Variants in MGA observed in about 807,000 individuals in gnomAD.
The protein encoded by MGA is MAX gene-associated protein.
A neutral mutation model predicts 261.1 loss-of-function variants in MGA; 40 were observed. That is an observed-to-expected ratio of 0.15 (90% CI 0.12 to 0.20). MGA has a LOEUF of 0.20. Ranked by LOEUF, MGA falls within the 10% of genes least tolerant of loss-of-function variation. The probability of loss-of-function intolerance (pLI) is 1.00; values close to 1 mark genes in which losing one functional copy is unlikely to be tolerated. For missense variants in MGA, 3,397 were observed against 3,630.5 expected (o/e 0.94, Z 1.65); for synonymous variants, 1,302 against 1,290.6 (o/e 1.01, Z -0.19).
rs768918518 is a variant in MGA, at chr15:41,749,431, G to A, written c.5824G>A (p.Gly1942Ser). ...AGCCAGTCTTATTCCTCTCCAGTCT[G>A]GTAGTTTTGCCTTGTTACAGCTCCC... The change falls in exon 17 of 24, where the codon GGT becomes AGT. Residue 1942 changes from glycine to serine, a missense_variant. Gly to Ser is a moderately conservative substitution (Grantham distance 56, BLOSUM62 0). Transcript: ENST00000219905. 1 of 1,613,984 alleles carries A rather than the reference G, an allele frequency of 6.2e-7. No homozygotes were observed. Among genetic ancestry groups the A allele is most frequent in the Non-Finnish European group, 8.5e-7 (1 of 1,179,890 alleles).
At position 41,761,860 on chromosome 15, in the gene MGA, G is replaced by C. The variant is rs1244948032; in HGVS notation, c.7510+10G>C. On this transcript the variant is annotated intron_variant, in intron 21 of 23. Coordinates refer to ENST00000219905, the MANE Select transcript of MGA (RefSeq NM_001164273.2). ...GTATCGTCTCTTTCAGGTGAGATAA[G>C]TAAATAATCTCTGGTAAAGAGCATA... is the stretch of plus-strand genomic sequence containing the variant. The C allele has an allele frequency of 6.7e-7, 1 of 1,499,390 alleles. No homozygotes were observed. Among genetic ancestry groups the C allele is most frequent in the Non-Finnish European group, 9.1e-7 (1 of 1,096,456 alleles). The allele number at this position is 1,499,390 out of a possible 1,614,324, so 92.9% of individuals were successfully genotyped here.
chr15:41,675,934 T>G (rs1346378641), intron 2 of MGA, among the ~76,000 whole-genome samples: 1 of 152,224 alleles, frequency 6.6e-6, no homozygotes, highest in Non-Finnish European at 1.5e-5. Context: ...TTTCAGGTAC[T>G]TTTCTAAGTA....
At chr15:41,740,294 A>C in intron 14 of MGA, 91 bp downstream of exon 14, 1 of 1,318,176 alleles carries the variant, frequency 7.6e-7, no homozygotes. Flanking sequence ...AATTAGAGAA[A>C]TATGTACTTT....
intron 1 of MGA, among the ~76,000 whole-genome samples, chr15:41,628,265 C>T (rs757105799): frequency 2.2e-4 from 33 of 147,074 alleles, no homozygotes; most frequent in African/African-American, 3.0e-4. Context: ...CCTAGCTGTT[C>T]GGGAGCCTGA....
chr15:41,749,088 TTCTC>T lies in MGA; in HGVS notation c.5504-19_5504-16del, dbSNP rs759348542. On this transcript the variant is annotated intron_variant, in intron 16 of 23. Coordinates refer to ENST00000219905, the MANE Select transcript of MGA (RefSeq NM_001164273.2). ...ATATGGGCAGTCATGATTTAAAAATTTCTCTCTTATTTTTTAAACCAGGGTCTGT... is the reference window on the plus strand; with the variant it reads ...ATATGGGCAGTCATGATTTAAAAATTTCTTATTTTTTAAACCAGGGTCTGT... The T allele has an allele frequency of 1.3e-6, 2 of 1,586,806 alleles. No homozygotes were observed. Among genetic ancestry groups the T allele is most frequent in the Admixed American group, 3.6e-5 (2 of 54,808 alleles).
Position 41,748,944 on chromosome 15 carries a change from T to C in MGA, c.5503+17T>C. On this transcript the variant is annotated intron_variant, in intron 16 of 23. Transcript: ENST00000219905. ...GGAACCCAGGTATAAAGTTCTTTTT[T>C]ATGAACTTTTCTTTTGTTGAATCAC... is the stretch of plus-strand genomic sequence containing the variant. 1 of 1,607,556 alleles carries C rather than the reference T, an allele frequency of 6.2e-7. No homozygotes were observed. The highest frequency in any genetic ancestry group is 8.5e-7 in the Non-Finnish European group (1 of 1,177,126).
chr15:41,739,836 C>A, intron 13 of MGA, 70 bp from the exon 14 acceptor site: 2 of 1,437,386 alleles, frequency 1.4e-6, no homozygotes, highest in Non-Finnish European at 1.9e-6. Flanking sequence ...AAAATGAAGC[C>A]CCTGTCAAGG....
chr15:41,746,779 GT>G (rs2062516652), intron 15 of MGA, among the ~76,000 whole-genome samples: 1 of 151,592 alleles, frequency 6.6e-6, no homozygotes, highest in African/African-American at 2.4e-5. Flanking sequence ...TAAAGTCTTT[GT>G]TTTGTTTCAT....
In MGA at chr15:41,762,120, A is replaced by C; in HGVS notation, c.7511-9A>C. On this transcript the variant is annotated splice_polypyrimidine_tract_variant and intron_variant, in intron 21 of 23. Transcript: ENST00000219905. ...GCTGAAAGTGCTAATGTATTCTGTT[A>C]ACTTACAGGTAAGACAGAAGAAGTG... is the stretch of plus-strand genomic sequence containing the variant. The C allele has an allele frequency of 6.3e-7, 1 of 1,597,406 alleles. No individual in the cohort carries two copies. The highest frequency in any genetic ancestry group is 8.6e-7 in the Non-Finnish European group (1 of 1,166,780).
chr15:41,660,969 C>T (rs1595594359), intron 1 of MGA, among the ~76,000 whole-genome samples: 1 of 152,246 alleles, frequency 6.6e-6, no homozygotes, highest in Admixed American at 6.5e-5. Context: ...TCTCGTGGTT[C>T]TAGAACTCCA....
At chr15:41,649,526 T>C (rs2056999257) in intron 1 of MGA, among the ~76,000 whole-genome samples, 1 of 152,206 alleles carries the variant, frequency 6.6e-6, no homozygotes, top group Non-Finnish European at 1.5e-5. Flanking sequence ...CAGCGTATCA[T>C]GGTCAGGAAG....
chr15:41,665,989 C>T (rs748663295), intron 1 of MGA, among the ~76,000 whole-genome samples: 1 of 151,528 alleles, frequency 6.6e-6, no homozygotes, highest in Non-Finnish European at 1.5e-5. Context: ...GGTTATGGCT[C>T]ACTGCAACCT....
At chr15:41,679,525 C>T (rs1415197177) in intron 2 of MGA, among the ~76,000 whole-genome samples, 1 of 152,058 alleles carries the variant, frequency 6.6e-6, no homozygotes, top group Non-Finnish European at 1.5e-5. Context: ...TTAGTTAAAT[C>T]TATTCCTAAG....
At chr15:41,744,193 T>A (rs527550548) in intron 15 of MGA, among the ~76,000 whole-genome samples, 75 of 152,120 alleles carry the variant, frequency 4.9e-4, no homozygotes, top group African/African-American at 1.8e-3. Flanking sequence ...TATATATGTG[T>A]GTGTGTGTAT....
Position 41,767,739 on chromosome 15 carries a change from C to CT in MGA, c.*464dup, listed in dbSNP as rs1172836685. On this transcript the variant is annotated 3_prime_UTR_variant, in exon 24 of 24. Coordinates refer to ENST00000219905, the MANE Select transcript of MGA (RefSeq NM_001164273.2). ...TGTGCAAAGGGATCCAGAAGAGACACTTTTTAGTTGATGTTTCAAGAATAG... is the reference window on the plus strand; with the variant it reads ...TGTGCAAAGGGATCCAGAAGAGACACTTTTTTAGTTGATGTTTCAAGAATAG... 6.3e-6 allele frequency: 1 copy of CT among 159,816 alleles called. No homozygotes were observed. Among genetic ancestry groups the CT allele is most frequent in the African/African-American group, 2.4e-5 (1 of 41,508 alleles). The allele number at this position is 159,816 out of a possible 1,614,324, so 9.9% of individuals were successfully genotyped here.
intron 18 of MGA, among the ~76,000 whole-genome samples, chr15:41,756,319 G>A (rs1045574608): frequency 6.6e-5 from 10 of 152,164 alleles, no homozygotes; most frequent in Non-Finnish European, 1.5e-4. Flanking sequence ...ATGTACATTT[G>A]TTCAGCCTCA....
chr15:41,666,820 A>G (rs1187222999), intron 1 of MGA, among the ~76,000 whole-genome samples: 1 of 152,216 alleles, frequency 6.6e-6, no homozygotes, highest in Non-Finnish European at 1.5e-5. Context: ...GCAGGGGATA[A>G]TCTTGTATAG....
intron 1 of MGA, among the ~76,000 whole-genome samples, chr15:41,651,956 C>T (rs141985337): frequency 0.018 from 860 of 48,216 alleles, 24 homozygotes; most frequent in African/African-American, 0.041. Flanking sequence ...CTCTTCCCCC[C>T]ACCTTTTTTT....
intron 2 of MGA, among the ~76,000 whole-genome samples, chr15:41,679,806 A>G (rs892971181): frequency 6.6e-6 from 1 of 152,074 alleles, no homozygotes; most frequent in Non-Finnish European, 1.5e-5. Flanking sequence ...CCATCTATTA[A>G]AAGAGATATC....
Sources: gnomAD v4.1 joint callset for allele counts (sites outside exome capture counted in the v4.1 genomes callset) on GRCh38, gnomAD v4.1.1 for gene constraint, MANE v1.5 for transcripts, NCBI Gene and HGNC (gene_info 2026-07-23, HGNC 2026-07-21) for gene names.